Variants in ZNF609 observed in about 807,000 individuals in gnomAD.
ZNF609 encodes the protein zinc finger protein 609.
A neutral mutation model predicts 109.5 loss-of-function variants in ZNF609; 11 were observed. The ratio of observed to expected loss-of-function variants is 0.10; its 90% CI spans 0.06 to 0.17. The LOEUF is 0.17. ZNF609 is among the 10% of genes least tolerant of loss of function. ZNF609 has a pLI of 1.00. For missense variants in ZNF609, 1,559 were observed against 1,772.4 expected, an observed-to-expected ratio of 0.88 and a Z score of 2.16; for synonymous variants, 646 against 662.0, an observed-to-expected ratio of 0.98 and a Z score of 0.37.
intron 3 of ZNF609, among the ~76,000 whole-genome samples, chr15:64,669,727 G>A (rs1020983290): frequency 6.6e-6 from 1 of 152,006 alleles, no homozygotes. Flanking sequence ...GAGTGCAGTG[G>A]CGCAATCTTG....
intron 2 of ZNF609, among the ~76,000 whole-genome samples, chr15:64,598,165 A>C (rs190729838): frequency 9.8e-5 from 15 of 152,326 alleles, no homozygotes; most frequent in African/African-American, 3.6e-4. Context: ...CCCAGGCTGG[A>C]GTGCAGTGGC....
intron 2 of ZNF609, among the ~76,000 whole-genome samples, chr15:64,546,745 A>G (rs1050327159): frequency 8.7e-5 from 13 of 149,768 alleles, no homozygotes; most frequent in African/African-American, 3.2e-4. Flanking sequence ...AAGTGCTGGG[A>G]TTACAGGCAT....
At chr15:64,493,415 G>A (rs1180780284) in intron 1 of ZNF609, among the ~76,000 whole-genome samples, 1 of 152,178 alleles carries the variant, frequency 6.6e-6, no homozygotes, top group Non-Finnish European at 1.5e-5. Flanking sequence ...GATTTACAAT[G>A]TACAAGCCTG....
chr15:64,652,832 T>C (rs933964510), intron 3 of ZNF609: 1 of 152,512 alleles, frequency 6.6e-6, no homozygotes, highest in African/African-American at 2.4e-5. Context: ...CCGCACCTAG[T>C]TCAATTTAGA....
At chr15:64,621,773 T>C (rs1018714998) in intron 2 of ZNF609, among the ~76,000 whole-genome samples, 1 of 151,624 alleles carries the variant, frequency 6.6e-6, no homozygotes, top group African/African-American at 2.4e-5. Context: ...CTTTCTTTTT[T>C]TTTTTTTTTT....
intron 2 of ZNF609, among the ~76,000 whole-genome samples, chr15:64,561,541 CTTTTCT>C (rs1894680206): frequency 6.9e-6 from 1 of 144,402 alleles, no homozygotes; most frequent in Non-Finnish European, 1.5e-5. Context: ...TCTTTCTTTT[CTTTTCT>C]TTTTCTTTTT....
At chr15:64,646,634 CAAAA>C (rs1180524819) in intron 3 of ZNF609, among the ~76,000 whole-genome samples, 213 of 30,684 alleles carry the variant, frequency 6.9e-3, no homozygotes, top group Non-Finnish European at 0.01. Flanking sequence ...GACTCCATCT[CAAAA>C]AAAAAAAAAA....
chr15:64,477,775 T>C (rs1199547217), intron 1 of ZNF609, among the ~76,000 whole-genome samples: 4 of 152,082 alleles, frequency 2.6e-5, no homozygotes. Flanking sequence ...ATTACAGGCA[T>C]GCGCCACCGC....
At chr15:64,672,603 C>T (rs1293380253) in intron 4 of ZNF609, among the ~76,000 whole-genome samples, 4 of 138,324 alleles carry the variant, frequency 2.9e-5, no homozygotes, top group South Asian at 2.3e-4. Flanking sequence ...CCAGCCTGGG[C>T]GACAGAGCAA....
intron 2 of ZNF609, among the ~76,000 whole-genome samples, chr15:64,561,300 C>T (rs1894676222): frequency 6.6e-6 from 1 of 152,076 alleles, no homozygotes; most frequent in Admixed American, 6.6e-5. Flanking sequence ...GTCAGTTTTT[C>T]TCTTCTAGAG....
At chr15:64,477,376 G>A (rs999268863) in intron 1 of ZNF609, among the ~76,000 whole-genome samples, 7 of 151,738 alleles carry the variant, frequency 4.6e-5, no homozygotes, top group African/African-American at 4.8e-5. Context: ...TCCTGACCTC[G>A]TGATCCGCCG....
chr15:64,482,567 C>G (rs1411300537), intron 1 of ZNF609, among the ~76,000 whole-genome samples: 1 of 149,326 alleles, frequency 6.7e-6, no homozygotes, highest in African/African-American at 2.5e-5. Flanking sequence ...AGATGTGGTT[C>G]TGTCCATAAG....
At chr15:64,530,467 T>A (rs1054321617) in intron 2 of ZNF609, among the ~76,000 whole-genome samples, 2 of 152,254 alleles carry the variant, frequency 1.3e-5, no homozygotes, top group Non-Finnish European at 2.9e-5. Context: ...CTATCACGGC[T>A]ACAATATATT....
intron 3 of ZNF609, among the ~76,000 whole-genome samples, chr15:64,663,540 T>C (rs1334112026): frequency 1.3e-5 from 2 of 152,130 alleles, no homozygotes; most frequent in African/African-American, 2.4e-5. Flanking sequence ...TACATGAATC[T>C]GGAGTTTAGG....
chr15:64,567,608 T>C (rs1483825457), intron 2 of ZNF609, among the ~76,000 whole-genome samples: 1 of 152,196 alleles, frequency 6.6e-6, no homozygotes, highest in African/African-American at 2.4e-5. Context: ...ATATGATGGA[T>C]TAATTATCTG....
intron 3 of ZNF609, among the ~76,000 whole-genome samples, chr15:64,637,317 T>A (rs935503970): frequency 1.3e-5 from 2 of 152,234 alleles, no homozygotes; most frequent in African/African-American, 4.8e-5. Context: ...TATTTGCAGT[T>A]TGAGGCTGTT....
chr15:64,604,839 A>T (rs994100020), intron 2 of ZNF609, among the ~76,000 whole-genome samples: 1 of 151,548 alleles, frequency 6.6e-6, no homozygotes, highest in Admixed American at 6.6e-5. Flanking sequence ...TTATTTATTT[A>T]TTTATTTTTT....
At chr15:64,663,637 TAGG>T (rs1467675762) in intron 3 of ZNF609, among the ~76,000 whole-genome samples, 4 of 151,942 alleles carry the variant, frequency 2.6e-5, no homozygotes. Context: ...ACCAGAGAGA[TAGG>T]AGGAAAACCA....
In ZNF609 at chr15:64,581,038, C is replaced by CG. The variant is rs1181334731; in HGVS notation, c.748-41784dup. Among the ~76,000 whole-genome samples, 9 of 121,246 alleles carry CG rather than the reference C, an allele frequency of 7.4e-5. No homozygotes were observed. In the Admixed American group the frequency reaches 7.5e-4, roughly 10 times the overall value. The allele number at this position is 121,246 out of a possible 152,430, so 79.5% of individuals were successfully genotyped here. On this transcript the variant is annotated intron_variant, in intron 2 of 9. Coordinates refer to ENST00000326648, the MANE Select transcript of ZNF609 (RefSeq NM_015042.2). ...TTTTATTTTTAAATTTTTTTAGAGA[C>CG]GGGGGTCTCACCATATTGCCCAGGC... is the stretch of plus-strand genomic sequence containing the variant.
Sources: allele counts gnomAD v4.1 joint callset (sites outside exome capture counted in the v4.1 genomes callset), GRCh38; gene constraint gnomAD v4.1.1; transcripts MANE v1.5; gene names NCBI Gene and HGNC (gene_info 2026-07-23, HGNC 2026-07-21).